ASMTL: variants seen among roughly 807,000 people sequenced by gnomAD.
The protein encoded by ASMTL is probable bifunctional dTTP/UTP pyrophosphatase/methyltransferase protein.
In ASMTL, 57 loss-of-function variants were observed where a neutral mutation model predicts 60.3. The observed-to-expected ratio is 0.95, with a 90% confidence interval of 0.76 to 1.18. The LOEUF is 1.18. ASMTL is among the 50% of genes most tolerant of loss of function. The pLI is 0.00. For synonymous variants in ASMTL, 419 were observed against 373.0 expected, an observed-to-expected ratio of 1.12 and a Z score of -1.42; for missense variants, 981 against 852.6, an observed-to-expected ratio of 1.15 and a Z score of -1.88.
chrX:1,452,744 G>T lies in ASMTL; in HGVS notation c.93+4C>A. The T allele has an allele frequency of 6.3e-7, 1 of 1,580,766 alleles. No individual in the cohort carries two copies. Among genetic ancestry groups the T allele is most frequent in the Non-Finnish European group, 8.5e-7 (1 of 1,169,908 alleles). On this transcript the variant is annotated splice_donor_region_variant and intron_variant, in intron 1 of 12. Transcript: ENST00000381317. Reference sequence around the variant, plus strand: ...CCCCTGCCCCGCCCAGGCCCAGGCCGTACCGCGTTGCTGAGGATCTCCTGA... The same window carrying T: ...CCCCTGCCCCGCCCAGGCCCAGGCCTTACCGCGTTGCTGAGGATCTCCTGA...
chrX:1,442,026 T>C (rs1438657883), intron 2 of ASMTL, 160 bp downstream of exon 2: 3 of 763,138 alleles, frequency 3.9e-6, no homozygotes, highest in Non-Finnish European at 6.6e-6. Flanking sequence ...ATTAGGTTAC[T>C]GCAATAGTGC....
At position 1,439,124 on chromosome X, in the gene ASMTL, G is replaced by T. The variant is rs190761175; in HGVS notation, c.246C>A (p.Asp82Glu). 24 of 1,613,904 alleles carry T rather than the reference G, an allele frequency of 1.5e-5. No individual in the cohort carries two copies. The highest frequency in any genetic ancestry group is 1.9e-5 in the Non-Finnish European group (23 of 1,179,880). Reference sequence around the variant, plus strand: ...CGATCGTGTCCGCTCCAATGACCACGTCGGGGGCCCGCAGGTCTTTCTGTA... The same window carrying T: ...CGATCGTGTCCGCTCCAATGACCACTTCGGGGGCCCGCAGGTCTTTCTGTA... ...RLYQKDLRAP[D>E]VVIGADTIVT... Residue 82 changes from aspartate to glutamate, a missense_variant, in exon 3 of 13, where the codon GAC (aspartate) becomes GAA (glutamate). Transcript: ENST00000381317.
chrX:1,425,765 G>T, intron 7 of ASMTL, 78 bp from the exon 8 acceptor site: 1 of 1,467,626 alleles, frequency 6.8e-7, no homozygotes, highest in Non-Finnish European at 9.3e-7. Context: ...AAAAGATGGA[G>T]GCCAACGCTG....
intron 4 of ASMTL, 108 bp downstream of exon 4, chrX:1,435,586 G>T: frequency 9.8e-7 from 1 of 1,025,290 alleles, no homozygotes; most frequent in Admixed American, 1.9e-5. Context: ...CAGCTCAGAC[G>T]GCAGAGCTGA....
intron 12 of ASMTL, among the ~76,000 whole-genome samples, chrX:1,407,066 AT>A (rs2089885488): frequency 9.3e-5 from 14 of 149,740 alleles, no homozygotes; most frequent in African/African-American, 3.5e-4. Flanking sequence ...GGATGGATGC[AT>A]GCATGGATGA....
Position 1,406,964 on chromosome X carries a change from A to G in ASMTL, c.1646-3475T>C, listed in dbSNP as rs772261868. On this transcript the variant is annotated intron_variant, in intron 12 of 12. Transcript: ENST00000381317. ...AGATGGATGGGTGAATAGATAGTAG[A>G]TGATGGGTAGGTAGATGAATGGATG... is the stretch of plus-strand genomic sequence containing the variant. Among the ~76,000 whole-genome samples, 701 of 147,462 alleles carry G rather than the reference A, an allele frequency of 4.8e-3. 8 individuals are homozygous for G. Among genetic ancestry groups the G allele is most frequent in the African/African-American group, 0.017 (661 of 39,526 alleles).
At chrX:1,439,767 C>T (rs113166529) in intron 2 of ASMTL, among the ~76,000 whole-genome samples, 7 of 146,266 alleles carry the variant, frequency 4.8e-5, no homozygotes, top group Non-Finnish European at 8.9e-5. Context: ...ACCTAGGAGG[C>T]GGAGGTTGCA....
At chrX:1,421,979 G>T in intron 8 of ASMTL, 137 bp from the exon 9 acceptor site, 1 of 767,388 alleles carries the variant, frequency 1.3e-6, no homozygotes. Context: ...AAGGAAACCT[G>T]ACCATAGGGG....
intron 5 of ASMTL, 39 bp from the exon 6 acceptor site, chrX:1,432,416 G>C: frequency 1.3e-6 from 2 of 1,517,954 alleles, no homozygotes; most frequent in Non-Finnish European, 1.8e-6. Flanking sequence ...GTGGACGCCA[G>C]CTTGTCACCT....
At chrX:1,444,868 T>C (rs1364964855) in intron 1 of ASMTL, among the ~76,000 whole-genome samples, 12 of 152,086 alleles carry the variant, frequency 7.9e-5, no homozygotes. Context: ...AAAGGGGACT[T>C]AGAGGCTCAA....
intron 8 of ASMTL, among the ~76,000 whole-genome samples, chrX:1,422,385 G>A (rs1446227859): frequency 1.3e-5 from 2 of 152,156 alleles, no homozygotes; most frequent in East Asian, 1.9e-4. Flanking sequence ...CCAGCCTCCT[G>A]GCCTGCCCTG....
At chrX:1,426,907 C>T (rs1291542343) in intron 7 of ASMTL, among the ~76,000 whole-genome samples, 3 of 151,824 alleles carry the variant, frequency 2.0e-5, no homozygotes, top group South Asian at 2.1e-4. Context: ...CGCTTGAACC[C>T]GGGAGGCAGA....
At chrX:1,426,182 G>A (rs1164556703) in intron 7 of ASMTL, among the ~76,000 whole-genome samples, 1 of 152,056 alleles carries the variant, frequency 6.6e-6, no homozygotes, top group Non-Finnish European at 1.5e-5. Flanking sequence ...CCAGGAGAGA[G>A]GCCTCAGGAG....
At chrX:1,442,907 G>A (rs2091137628) in intron 1 of ASMTL, among the ~76,000 whole-genome samples, 1 of 152,166 alleles carries the variant, frequency 6.6e-6, no homozygotes, top group South Asian at 2.1e-4. Context: ...CAGTGGGGGA[G>A]CCCCTGGCTG....
At chrX:1,406,142 G>A (rs2089827760) in intron 12 of ASMTL, among the ~76,000 whole-genome samples, 1 of 148,816 alleles carries the variant, frequency 6.7e-6, no homozygotes, top group Non-Finnish European at 1.5e-5. Context: ...ATGGATGCAT[G>A]GATGAGATGG....
intron 11 of ASMTL, among the ~76,000 whole-genome samples, chrX:1,416,629 AC>A (rs2090284018): frequency 6.9e-6 from 1 of 145,586 alleles, no homozygotes; most frequent in Admixed American, 7.0e-5. Flanking sequence ...AAACACACAT[AC>A]CCTCACACAT....
At chrX:1,415,970 GAC>G (rs1569532001) in intron 11 of ASMTL, among the ~76,000 whole-genome samples, 2 of 151,664 alleles carry the variant, frequency 1.3e-5, no homozygotes, top group African/African-American at 2.4e-5. Flanking sequence ...CAGATACACT[GAC>G]AGGTACACAC....
intron 12 of ASMTL, among the ~76,000 whole-genome samples, chrX:1,412,206 A>C (rs1366975861): frequency 6.6e-6 from 1 of 151,878 alleles, no homozygotes. Context: ...CTCCAAAGTC[A>C]CATAAGCCAA....
intron 3 of ASMTL, among the ~76,000 whole-genome samples, chrX:1,438,706 C>G (rs1310961943): frequency 5.9e-5 from 9 of 152,312 alleles, no homozygotes; most frequent in African/African-American, 2.2e-4. Flanking sequence ...TGTAGCTTAT[C>G]TGTTACTATG....
Sources: gnomAD v4.1 joint callset for allele counts (sites outside exome capture counted in the v4.1 genomes callset) on GRCh38, gnomAD v4.1.1 for gene constraint, MANE v1.5 for transcripts, NCBI Gene and HGNC (gene_info 2026-07-23, HGNC 2026-07-21) for gene names.